GMDS: variants seen among roughly 807,000 people sequenced by gnomAD.
GMDS encodes GDP-mannose 4,6 dehydratase.
A neutral mutation model predicts 49.9 loss-of-function variants in GMDS; 20 were observed. The ratio of observed to expected loss-of-function variants is 0.40; its 90% CI spans 0.28 to 0.58. The LOEUF (loss-of-function observed/expected upper bound fraction) is 0.58. Among genes scored for constraint, GMDS ranks in the 20% least tolerant of loss-of-function variants. The pLI is 0.42. For synonymous variants in GMDS, 177 were observed against 178.6 expected, an observed-to-expected ratio of 0.99 and a Z score of 0.07; for missense variants, 362 against 481.4, an observed-to-expected ratio of 0.75 and a Z score of 2.32.
chr6:1,825,835 G>T (rs1403593490), intron 7 of GMDS, among the ~76,000 whole-genome samples: 5 of 152,138 alleles, frequency 3.3e-5, no homozygotes, highest in Non-Finnish European at 7.4e-5. Flanking sequence ...GGCAGACATG[G>T]CGAAACCCCA....
chr6:1,747,488 G>A (rs879529579), intron 7 of GMDS, among the ~76,000 whole-genome samples: 4,753 of 31,600 alleles, frequency 0.15, 216 homozygotes, highest in African/African-American at 0.29. Context: ...ATGCGTGTGC[G>A]CGCACACACA....
chr6:1,673,005 T>C (rs746840836), intron 9 of GMDS, among the ~76,000 whole-genome samples: 18 of 152,216 alleles, frequency 1.2e-4, no homozygotes, highest in African/African-American at 4.1e-4. Context: ...AAGTCTATAC[T>C]GTATTTTCAA....
chr6:1,790,509 C>CT (rs1769495527), intron 7 of GMDS, among the ~76,000 whole-genome samples: 1 of 152,176 alleles, frequency 6.6e-6, no homozygotes, highest in African/African-American at 2.4e-5. Flanking sequence ...CTGCTGTTGG[C>CT]TTACCTACCT....
rs565828822 is a variant in GMDS at position 1,970,648 on chromosome 6, A to C, written c.346-9682T>G. Among the ~76,000 whole-genome samples, 3 of 152,304 alleles carry C rather than the reference A, an allele frequency of 2.0e-5. No individual in the cohort carries two copies. The South Asian group carries it at 6.2e-4, about 32-fold the overall frequency. On this transcript the variant is annotated intron_variant, in intron 4 of 10. Transcript: ENST00000380815. ...GTAGACAGAGGTTTGAAGAGGCTAC[A>C]AAAGGGAGGCCACAGGGATTAAGAA... is the stretch of plus-strand genomic sequence containing the variant.
intron 7 of GMDS, among the ~76,000 whole-genome samples, chr6:1,767,466 C>T (rs576458810): frequency 1.1e-3 from 165 of 152,288 alleles, no homozygotes; most frequent in African/African-American, 3.9e-3. Flanking sequence ...TTCAAATGTA[C>T]TTCAGATAAA....
intron 7 of GMDS, among the ~76,000 whole-genome samples, chr6:1,757,949 A>G (rs1362175581): frequency 6.6e-6 from 1 of 152,248 alleles, no homozygotes; most frequent in Admixed American, 6.5e-5. Context: ...GAGATATTTC[A>G]CGTTCCTTTT....
At chr6:1,715,144 C>T (rs1012577194) in intron 9 of GMDS, among the ~76,000 whole-genome samples, 2 of 152,178 alleles carry the variant, frequency 1.3e-5, no homozygotes, top group African/African-American at 4.8e-5. Context: ...AGTGAAAAGA[C>T]ATGTATAGAG....
At chr6:1,773,194 C>CTTTTTTT (rs535227437) in intron 7 of GMDS, among the ~76,000 whole-genome samples, 1 of 143,460 alleles carries the variant, frequency 7.0e-6, no homozygotes. Flanking sequence ...AGAGGGTCCT[C>CTTTTTTT]TTTTTTTTTT....
At chr6:2,217,417 GTAA>G (rs1780390684) in intron 1 of GMDS, among the ~76,000 whole-genome samples, 1 of 147,968 alleles carries the variant, frequency 6.8e-6, no homozygotes, top group Non-Finnish European at 1.5e-5. Context: ...TATATGACAT[GTAA>G]TAATATTTTC....
intron 4 of GMDS, among the ~76,000 whole-genome samples, chr6:2,003,406 C>T (rs1302327277): frequency 6.6e-6 from 1 of 152,120 alleles, no homozygotes; most frequent in Non-Finnish European, 1.5e-5. Flanking sequence ...CAAATCAAAG[C>T]ACTGCCAAGC....
intron 7 of GMDS, among the ~76,000 whole-genome samples, chr6:1,788,954 C>G (rs1769420861): frequency 1.3e-5 from 2 of 152,164 alleles, no homozygotes; most frequent in African/African-American, 4.8e-5. Flanking sequence ...GGCACCAGCC[C>G]CGGTTTGCGG....
rs28712414 is a variant in GMDS at position 1,728,973 on chromosome 6, C to A, written c.891-2461G>T. 1.8e-3 allele frequency among the ~76,000 whole-genome samples: 279 copies of A among 151,420 alleles called. 1 individual carries two copies. Among genetic ancestry groups the A allele is most frequent in the African/African-American group, 5.4e-3 (223 of 41,266 alleles). On this transcript the variant is annotated intron_variant, in intron 8 of 10. Transcript: ENST00000380815. ...AAAAAAAAAACAAAAAACAAAAAAC[C>A]AAAAACAAAACCAAAAGGGCCTCAG...
At chr6:2,159,705 G>C (rs1035486776) in intron 1 of GMDS, among the ~76,000 whole-genome samples, 4 of 151,328 alleles carry the variant, frequency 2.6e-5, no homozygotes, top group Non-Finnish European at 4.4e-5. Context: ...TTTTACTAGA[G>C]ATGGGGTTTC....
intron 1 of GMDS, among the ~76,000 whole-genome samples, chr6:2,168,609 T>C (rs1479569849): frequency 3.3e-5 from 5 of 152,246 alleles, no homozygotes; most frequent in Non-Finnish European, 7.3e-5. Context: ...TTTAGATTTC[T>C]ACTATGCTTT....
chr6:1,801,652 G>A (rs891739115), intron 7 of GMDS, among the ~76,000 whole-genome samples: 6 of 152,246 alleles, frequency 3.9e-5, no homozygotes, highest in African/African-American at 4.8e-5. Context: ...AAGCTAAAAC[G>A]GTGAGCACAC....
rs1344121705 is a variant in GMDS, at chr6:2,068,322, A to C, written c.345+47449T>G. On this transcript the variant is annotated intron_variant, in intron 4 of 10. Coordinates refer to ENST00000380815, the MANE Select transcript of GMDS (RefSeq NM_001500.4). ...ACAGCCAATATCATACTGAATGGGCAAAAACTGGAAGCATTCCCTTTGAAA... is the reference window on the plus strand; with the variant it reads ...ACAGCCAATATCATACTGAATGGGCCAAAACTGGAAGCATTCCCTTTGAAA... 5.3e-5 allele frequency among the ~76,000 whole-genome samples: 8 copies of C among 150,210 alleles called. No individual in the cohort carries two copies. In the East Asian group the frequency reaches 9.8e-4, roughly 18 times the overall value.
chr6:2,230,217 T>G (rs1781023680), intron 1 of GMDS, among the ~76,000 whole-genome samples: 1 of 152,224 alleles, frequency 6.6e-6, no homozygotes, highest in African/African-American at 2.4e-5. Flanking sequence ...CTACTAAAAG[T>G]TTCCATTACA....
chr6:1,747,235 T>C (rs1581542692), intron 7 of GMDS, among the ~76,000 whole-genome samples: 1 of 152,078 alleles, frequency 6.6e-6, no homozygotes, highest in Non-Finnish European at 1.5e-5. Context: ...CCTTCTGTGG[T>C]GGGATGTGTG....
chr6:2,101,561 A>G (rs1773925752), intron 4 of GMDS, among the ~76,000 whole-genome samples: 1 of 152,060 alleles, frequency 6.6e-6, no homozygotes, highest in Non-Finnish European at 1.5e-5. Flanking sequence ...AGAATCTCCC[A>G]CGAAATGAGA....
Sources: allele counts gnomAD v4.1 joint callset (sites outside exome capture counted in the v4.1 genomes callset), GRCh38; gene constraint gnomAD v4.1.1; transcripts MANE v1.5; gene names NCBI Gene and HGNC (gene_info 2026-07-23, HGNC 2026-07-21).